RANBP2: variants seen among roughly 807,000 people sequenced by gnomAD.
The protein encoded by RANBP2 is E3 SUMO-protein ligase RanBP2.
A neutral mutation model predicts 303.6 loss-of-function variants in RANBP2; 57 were observed. That is an observed-to-expected ratio of 0.19 (90% CI 0.15 to 0.23). The LOEUF (loss-of-function observed/expected upper bound fraction) is 0.23, where lower values mean the gene tolerates loss of function less well. Among genes scored for constraint, RANBP2 ranks in the 10% least tolerant of loss-of-function variants. The pLI, the probability that RANBP2 is intolerant of heterozygous loss-of-function variation, is 1.00. For missense variants in RANBP2, 3,138 were observed against 3,780.8 expected, an observed-to-expected ratio of 0.83 and a Z score of 4.46; for synonymous variants, 1,167 against 1,301.5, an observed-to-expected ratio of 0.90 and a Z score of 2.23.
At chr2:108,913,816 G>A in the RANBP2 span, among the ~76,000 whole-genome samples, 1 of 151,988 alleles carries the variant, frequency 6.6e-6, no homozygotes, top group Non-Finnish European at 1.5e-5. Context: ...CGGGCGTGGT[G>A]GCAGGCGCCT....
At chr2:109,322,908 A>T in the RANBP2 span, among the ~76,000 whole-genome samples, 2 of 152,204 alleles carry the variant, frequency 1.3e-5, no homozygotes, top group African/African-American at 4.8e-5. Flanking sequence ...TGAGGCCAAG[A>T]GGTGGCTTTT....
the RANBP2 span, among the ~76,000 whole-genome samples, chr2:109,109,026 C>T: frequency 6.6e-6 from 1 of 152,212 alleles, no homozygotes; most frequent in South Asian, 2.1e-4. Context: ...TTTCCAACTC[C>T]CCCTTTATAT....
At chr2:109,203,959 C>T in the RANBP2 span, among the ~76,000 whole-genome samples, 3 of 152,294 alleles carry the variant, frequency 2.0e-5, no homozygotes, top group East Asian at 1.9e-4. Flanking sequence ...AGCATCTGCA[C>T]GGTGCTCCAG....
the RANBP2 span, among the ~76,000 whole-genome samples, chr2:109,240,037 C>G: frequency 6.6e-6 from 1 of 152,242 alleles, no homozygotes; most frequent in Middle Eastern, 3.4e-3. Flanking sequence ...TAGTGGTGGC[C>G]GGGGCTCTGG....
the RANBP2 span, among the ~76,000 whole-genome samples, chr2:108,974,261 C>T: frequency 0.012 from 1,523 of 125,138 alleles, 16 homozygotes; most frequent in Non-Finnish European, 0.019. Flanking sequence ...ACCCGGGAGG[C>T]GGAGCTTGCA....
the RANBP2 span, among the ~76,000 whole-genome samples, chr2:109,302,026 A>G: frequency 9.4e-4 from 143 of 152,328 alleles, 1 homozygote; most frequent in Non-Finnish European, 1.7e-3. Context: ...TCAGGAAGCC[A>G]TAGAGGTTTT....
chr2:109,505,460 C>G, the RANBP2 span, among the ~76,000 whole-genome samples: 1 of 152,178 alleles, frequency 6.6e-6, no homozygotes, highest in African/African-American at 2.4e-5. Flanking sequence ...ATTGCTTGAG[C>G]CCAGGAGTTC....
chr2:108,764,557 G>A lies in RANBP2; in HGVS notation c.4018G>A (p.Gly1340Arg), dbSNP rs1030268745. The A allele has an allele frequency of 1.2e-6, 2 of 1,613,686 alleles. No individual in the cohort carries two copies. Among genetic ancestry groups the A allele is most frequent in the Non-Finnish European group, 1.7e-6 (2 of 1,179,934 alleles). The change falls in exon 20 of 29, where the codon GGA becomes AGA. Residue 1340 changes from glycine to arginine, a missense_variant. Physicochemically the swap from Gly to Arg is moderately radical, Grantham distance 125. Around this residue, in one of 20 missense-constraint regions of RANBP2, gnomAD observed 388 missense variants for 328.5 expected, o/e 1.18. Coordinates refer to ENST00000283195, the MANE Select transcript of RANBP2 (RefSeq NM_006267.5). The stretch of plus-strand genomic sequence containing the variant: ...CAAGGATATTTGCAAATCTGATGCT[G>A]GAAACCTGAATTTTGAATTTCAGGT... ...DNKDICKSDA[G>R]NLNFEFQVAK...
the RANBP2 span, among the ~76,000 whole-genome samples, chr2:108,975,854 A>T: frequency 1.3e-5 from 2 of 152,074 alleles, no homozygotes; most frequent in African/African-American, 4.8e-5. Context: ...CAACTGCTGG[A>T]CGGCGTTCTG....
the RANBP2 span, among the ~76,000 whole-genome samples, chr2:108,960,922 G>A: frequency 6.6e-6 from 1 of 152,138 alleles, no homozygotes; most frequent in African/African-American, 2.4e-5. Flanking sequence ...CTGGACATTC[G>A]ACTTTATTTC....
At chr2:109,040,643 T>C in the RANBP2 span, among the ~76,000 whole-genome samples, 7 of 152,242 alleles carry the variant, frequency 4.6e-5, no homozygotes, top group African/African-American at 1.7e-4. Context: ...CACTAGTGAC[T>C]TAACTTTCTG....
the RANBP2 span, among the ~76,000 whole-genome samples, chr2:109,190,909 G>A: frequency 6.6e-6 from 1 of 151,464 alleles, no homozygotes. Flanking sequence ...GAAGAGTATT[G>A]TGATACTTTG....
At chr2:109,048,820 C>T in the RANBP2 span, among the ~76,000 whole-genome samples, 1 of 152,098 alleles carries the variant, frequency 6.6e-6, no homozygotes, top group Non-Finnish European at 1.5e-5. Context: ...AGAGGTCCAT[C>T]TCATAAATTA....
the RANBP2 span, among the ~76,000 whole-genome samples, chr2:109,580,357 A>G: frequency 6.6e-6 from 1 of 151,832 alleles, no homozygotes. Context: ...TGCAAAAAAA[A>G]AAAAAAAATC....
chr2:109,250,620 G>C, the RANBP2 span, among the ~76,000 whole-genome samples: 1 of 151,848 alleles, frequency 6.6e-6, no homozygotes, highest in African/African-American at 2.4e-5. Flanking sequence ...TAATAATAGT[G>C]GTATGTTTCC....
chr2:109,115,182 C>G, the RANBP2 span, among the ~76,000 whole-genome samples: 1 of 152,064 alleles, frequency 6.6e-6, no homozygotes, highest in African/African-American at 2.4e-5. Context: ...TCCCGGGTAT[C>G]CTTGTTAACT....
At chr2:108,978,106 A>T in the RANBP2 span, among the ~76,000 whole-genome samples, 1 of 152,336 alleles carries the variant, frequency 6.6e-6, no homozygotes, top group South Asian at 2.1e-4. Context: ...TAGGAAGACC[A>T]GCAAAGGGCC....
At chr2:109,254,786 C>T in the RANBP2 span, among the ~76,000 whole-genome samples, 1 of 152,078 alleles carries the variant, frequency 6.6e-6, no homozygotes, top group Non-Finnish European at 1.5e-5. Context: ...CATGAGCGCT[C>T]CAGTTAAGCC....
At chr2:109,335,948 G>A in the RANBP2 span, among the ~76,000 whole-genome samples, 2 of 152,342 alleles carry the variant, frequency 1.3e-5, no homozygotes, top group Non-Finnish European at 2.9e-5. Context: ...GGGGCTGGGA[G>A]TGGGATATGT....
Sources: gnomAD v4.1 joint callset for allele counts (sites outside exome capture counted in the v4.1 genomes callset) on GRCh38, gnomAD v4.1.1 for gene constraint, gnomAD v4.1.1 regional missense constraint, MANE v1.5 for transcripts, NCBI Gene and HGNC (gene_info 2026-07-23, HGNC 2026-07-21) for gene names.